Variants in ELMO1 observed in about 807,000 individuals in gnomAD.
The protein encoded by ELMO1 is engulfment and cell motility protein 1.
A neutral mutation model predicts 98.9 loss-of-function variants in ELMO1; 26 were observed. That is an observed-to-expected ratio of 0.26 (90% CI 0.19 to 0.36). The LOEUF (loss-of-function observed/expected upper bound fraction) is 0.36. Ranked by LOEUF, ELMO1 falls within the 10% of genes least tolerant of loss-of-function variation. ELMO1 has a pLI of 1.00. For missense variants in ELMO1, 627 were observed against 935.2 expected (o/e 0.67, Z 4.30); for synonymous variants, 346 against 346.0 (o/e 1.00, Z 0.00).
chr7:37,380,205 T>C (rs1562653936), intron 1 of ELMO1, among the ~76,000 whole-genome samples: 1 of 152,210 alleles, frequency 6.6e-6, no homozygotes, highest in East Asian at 1.9e-4. Context: ...ATATTACTAA[T>C]AAAGCTCTCC....
At chr7:37,158,738 CAG>C (rs1195250292) in intron 13 of ELMO1, among the ~76,000 whole-genome samples, 1 of 152,228 alleles carries the variant, frequency 6.6e-6, no homozygotes, top group Non-Finnish European at 1.5e-5. Flanking sequence ...TTGTGGAAGA[CAG>C]TGTGGCGATT....
intron 14 of ELMO1, among the ~76,000 whole-genome samples, chr7:37,120,904 C>T (rs1785979287): frequency 6.6e-6 from 1 of 152,174 alleles, no homozygotes; most frequent in Non-Finnish European, 1.5e-5. Context: ...CCTCACACAG[C>T]CGGGTACCCC....
At chr7:37,193,149 C>T (rs17170915) in intron 13 of ELMO1, among the ~76,000 whole-genome samples, 9,283 of 151,716 alleles carry the variant, frequency 0.061, 736 homozygotes, top group African/African-American at 0.16. Context: ...ATTACCCCTT[C>T]GCTGGGTTTG....
At chr7:37,245,603 A>G (rs1400218234) in intron 6 of ELMO1, among the ~76,000 whole-genome samples, 2 of 151,772 alleles carry the variant, frequency 1.3e-5, no homozygotes, top group Non-Finnish European at 2.9e-5. Context: ...TCCTTCCTTC[A>G]TCAAAAAGGC....
intron 13 of ELMO1, among the ~76,000 whole-genome samples, chr7:37,161,933 T>TA (rs1198854066): frequency 8.5e-6 from 1 of 117,252 alleles, no homozygotes; most frequent in East Asian, 2.7e-4. Context: ...TATATATATA[T>TA]ATGTTAAGCG....
intron 10 of ELMO1, chr7:37,217,740 T>C (rs529018912): frequency 2.0e-5 from 9 of 457,036 alleles, no homozygotes; most frequent in African/African-American, 4.0e-5. Context: ...GATGTCAACA[T>C]TGCTCTCTAC....
chr7:37,296,485 CTGAT>C (rs1236915421), intron 4 of ELMO1, among the ~76,000 whole-genome samples: 1 of 152,206 alleles, frequency 6.6e-6, no homozygotes, highest in Non-Finnish European at 1.5e-5. Flanking sequence ...CCCAAATCGA[CTGAT>C]TGAAGACCTT....
At chr7:37,062,805 C>T (rs139498772) in intron 15 of ELMO1, among the ~76,000 whole-genome samples, 1 of 152,128 alleles carries the variant, frequency 6.6e-6, no homozygotes, top group Non-Finnish European at 1.5e-5. Flanking sequence ...ACAGTTAGGT[C>T]GAACTTTGTA....
At chr7:37,275,476 C>T (rs1009937582) in intron 4 of ELMO1, among the ~76,000 whole-genome samples, 1 of 152,218 alleles carries the variant, frequency 6.6e-6, no homozygotes, top group Admixed American at 6.5e-5. Flanking sequence ...CTCTGCTTCT[C>T]ACCAGCTGAG....
At chr7:36,919,625 GGCTGCTGCCAATCAAA>G (rs2129073206) in intron 16 of ELMO1, among the ~76,000 whole-genome samples, 1 of 152,252 alleles carries the variant, frequency 6.6e-6, no homozygotes, top group African/African-American at 2.4e-5. Flanking sequence ...GTGGAAGGGA[GGCTGCTGCCAATCAAA>G]GTGTGTTGCT....
intron 4 of ELMO1, among the ~76,000 whole-genome samples, chr7:37,306,811 A>G (rs958426782): frequency 1.3e-5 from 2 of 152,212 alleles, no homozygotes; most frequent in African/African-American, 4.8e-5. Context: ...TACATGGGCA[A>G]ATTCTAGGGT....
rs115239747 is a variant in ELMO1, at chr7:37,351,636, T to C, written c.-73-8873A>G. 6.8e-3 allele frequency among the ~76,000 whole-genome samples: 1,032 copies of C among 152,362 alleles called. 16 individuals carry two copies. Among genetic ancestry groups the C allele is most frequent in the African/African-American group, 0.023 (968 of 41,586 alleles). On this transcript the variant is annotated intron_variant, in intron 1 of 21. Transcript: ENST00000310758. Reference sequence around the variant, plus strand: ...GTACTACCCTAACATCCTTCCTAGATAGACAAACTAATAAATTCCTCATTA... The same window carrying C: ...GTACTACCCTAACATCCTTCCTAGACAGACAAACTAATAAATTCCTCATTA...
chr7:37,422,286 T>A (rs1172012222), intron 1 of ELMO1, among the ~76,000 whole-genome samples: 1 of 152,264 alleles, frequency 6.6e-6, no homozygotes, highest in East Asian at 1.9e-4. Flanking sequence ...GCCTGCGTTA[T>A]TCATCAAAGT....
At chr7:36,882,793 T>C (rs529560057) in intron 18 of ELMO1, among the ~76,000 whole-genome samples, 1 of 152,356 alleles carries the variant, frequency 6.6e-6, no homozygotes, top group Admixed American at 6.5e-5. Flanking sequence ...TCAGAACATA[T>C]TTGTAGTTTC....
At chr7:37,440,240 G>A (rs867192037) in intron 1 of ELMO1, among the ~76,000 whole-genome samples, 6 of 152,104 alleles carry the variant, frequency 3.9e-5, no homozygotes, top group African/African-American at 1.2e-4. Flanking sequence ...TCAGGAGTTC[G>A]AGACCAGCCT....
chr7:36,973,778 G>A (rs964878314), intron 16 of ELMO1, among the ~76,000 whole-genome samples: 13 of 152,206 alleles, frequency 8.5e-5, no homozygotes, highest in African/African-American at 2.2e-4. Flanking sequence ...GGCTGCGCGC[G>A]GCGCTTGCGA....
In ELMO1 at chr7:36,909,230, T is replaced by G. The variant is rs1293351522; in HGVS notation, c.1438-14213A>C. Among the ~76,000 whole-genome samples the G allele has an allele frequency of 3.9e-5, 6 of 152,332 alleles. No homozygotes were observed. The South Asian group carries it at 8.3e-4, about 21-fold the overall frequency. ...TGCATAGCTCCTATTGAGTAGTAAG[T>G]AAGCACTCAAGTAGTAAGTAAATAA... On this transcript the variant is annotated intron_variant, in intron 16 of 21. Coordinates refer to ENST00000310758, the MANE Select transcript of ELMO1 (RefSeq NM_014800.11).
At chr7:37,178,355 C>G (rs1456985459) in intron 13 of ELMO1, among the ~76,000 whole-genome samples, 1 of 151,704 alleles carries the variant, frequency 6.6e-6, no homozygotes, top group Non-Finnish European at 1.5e-5. Context: ...GGAGAAACTG[C>G]CCCCATGATT....
At chr7:37,264,946 T>C (rs1414045395) in intron 5 of ELMO1, among the ~76,000 whole-genome samples, 6 of 152,226 alleles carry the variant, frequency 3.9e-5, no homozygotes, top group Admixed American at 2.6e-4. Flanking sequence ...AACAGTTTAA[T>C]AGATATCTTC....
Sources: allele counts gnomAD v4.1 joint callset (sites outside exome capture counted in the v4.1 genomes callset), GRCh38; gene constraint gnomAD v4.1.1; transcripts MANE v1.5; gene names NCBI Gene and HGNC (gene_info 2026-07-23, HGNC 2026-07-21).